Variants in GRM8 observed in about 807,000 individuals in gnomAD.
GRM8 encodes glutamate metabotropic receptor 8, also known as metabotropic glutamate receptor 8.
A neutral mutation model predicts 87.2 loss-of-function variants in GRM8; 47 were observed. The observed-to-expected ratio is 0.54, with a 90% CI of 0.43 to 0.69. The LOEUF (loss-of-function observed/expected upper bound fraction) is 0.69. Among genes scored for constraint, GRM8 ranks in the 30% least tolerant of loss-of-function variants. The probability of loss-of-function intolerance (pLI) is 0.00; values close to 1 mark genes in which losing one functional copy is unlikely to be tolerated. For synonymous variants in GRM8, 396 were observed against 404.5 expected (o/e 0.98, Z 0.25); for missense variants, 1,019 against 1,139.2 (o/e 0.89, Z 1.52).
At chr7:126,841,204 G>A (rs1432170998) in intron 6 of GRM8, among the ~76,000 whole-genome samples, 1 of 152,206 alleles carries the variant, frequency 6.6e-6, no homozygotes, top group Non-Finnish European at 1.5e-5. Flanking sequence ...ATAAATGTGT[G>A]GGTCAAGAAT....
chr7:127,170,882 G>A (rs1228965939), intron 2 of GRM8, among the ~76,000 whole-genome samples: 1 of 152,024 alleles, frequency 6.6e-6, no homozygotes, highest in Non-Finnish European at 1.5e-5. Context: ...CCACCCACTG[G>A]GTACAGTGTA....
chr7:127,155,489 C>A (rs1350708837), intron 2 of GRM8, among the ~76,000 whole-genome samples: 1 of 152,120 alleles, frequency 6.6e-6, no homozygotes, highest in East Asian at 1.9e-4. Flanking sequence ...AGATATATTG[C>A]ATACCCCACC....
intron 7 of GRM8, among the ~76,000 whole-genome samples, chr7:126,717,973 C>T (rs979200563): frequency 3.3e-5 from 5 of 152,106 alleles, no homozygotes; most frequent in African/African-American, 1.2e-4. Context: ...TGGCTCACAC[C>T]TGTAATCTCA....
At chr7:127,018,498 G>A (rs912447073) in intron 3 of GRM8, among the ~76,000 whole-genome samples, 2 of 151,384 alleles carry the variant, frequency 1.3e-5, no homozygotes, top group African/African-American at 4.9e-5. Flanking sequence ...TCAGGGCTAG[G>A]GTTTGGGTCA....
intron 3 of GRM8, among the ~76,000 whole-genome samples, chr7:127,061,037 C>T (rs1202654548): frequency 6.6e-6 from 1 of 152,200 alleles, no homozygotes; most frequent in African/African-American, 2.4e-5. Context: ...ATGTTGCACA[C>T]CTACCTTGTA....
At chr7:126,649,771 C>T (rs1329487702) in intron 7 of GRM8, among the ~76,000 whole-genome samples, 1 of 152,104 alleles carries the variant, frequency 6.6e-6, no homozygotes, top group Admixed American at 6.5e-5. Context: ...ATCGAGTGAC[C>T]CAAAAGGCTG....
intron 3 of GRM8, among the ~76,000 whole-genome samples, chr7:127,061,245 G>A (rs1470646123): frequency 6.6e-6 from 1 of 152,168 alleles, no homozygotes; most frequent in African/African-American, 2.4e-5. Context: ...AAGTACTCCT[G>A]CTTATTAAGG....
chr7:127,034,540 T>G (rs965895102), intron 3 of GRM8, among the ~76,000 whole-genome samples: 6 of 152,186 alleles, frequency 3.9e-5, no homozygotes, highest in Non-Finnish European at 7.4e-5. Flanking sequence ...TCCTTCCCTT[T>G]TCCCTCTTCA....
chr7:126,445,702 A>T (rs1487708239), intron 10 of GRM8, among the ~76,000 whole-genome samples: 1 of 152,056 alleles, frequency 6.6e-6, no homozygotes, highest in East Asian at 1.9e-4. Flanking sequence ...CACAAATAAC[A>T]TCATTTATAT....
At chr7:126,771,130 C>T (rs1818802188) in intron 6 of GRM8, among the ~76,000 whole-genome samples, 1 of 152,014 alleles carries the variant, frequency 6.6e-6, no homozygotes, top group Non-Finnish European at 1.5e-5. Flanking sequence ...TGTTACTAAC[C>T]TTGAATAAAT....
At chr7:126,489,993 C>A (rs1394668479) in intron 9 of GRM8, among the ~76,000 whole-genome samples, 2 of 152,132 alleles carry the variant, frequency 1.3e-5, no homozygotes, top group Non-Finnish European at 1.5e-5. Context: ...TTACTCCCAA[C>A]CCCCCTGTAG....
Position 126,921,215 on chromosome 7 carries a change from T to C in GRM8, c.728-16532A>G, listed in dbSNP as rs537672916. Reference sequence around the variant, plus strand: ...CAACAAGAATAGGAGGCTAAAAGAATAGAAACATTCAGAGGGCAAGAAGAA... The same window carrying C: ...CAACAAGAATAGGAGGCTAAAAGAACAGAAACATTCAGAGGGCAAGAAGAA... On this transcript the variant is annotated intron_variant, in intron 3 of 10. Transcript: ENST00000339582. 2.0e-5 allele frequency among the ~76,000 whole-genome samples: 3 copies of C among 152,116 alleles called. No individual in the cohort carries two copies. In the South Asian group the frequency reaches 6.2e-4, roughly 32 times the overall value.
intron 3 of GRM8, among the ~76,000 whole-genome samples, chr7:126,999,923 G>A (rs1211715411): frequency 1.3e-5 from 2 of 151,838 alleles, no homozygotes; most frequent in Admixed American, 6.6e-5. Flanking sequence ...ATATCAAAGG[G>A]ATAGCTTCAC....
chr7:127,247,188 C>T (rs1022426981), intron 1 of GRM8, among the ~76,000 whole-genome samples: 3 of 152,184 alleles, frequency 2.0e-5, no homozygotes, highest in East Asian at 1.9e-4. Context: ...AGATCCAATG[C>T]GGTTTGTCCA....
chr7:126,477,622 A>T (rs7781235), intron 9 of GRM8, among the ~76,000 whole-genome samples: 3 of 143,898 alleles, frequency 2.1e-5, no homozygotes, highest in African/African-American at 5.2e-5. Flanking sequence ...AAAGAAAGAA[A>T]GAAAGAAAGA....
chr7:127,082,279 GT>G (rs1723812027), intron 3 of GRM8: 3 of 152,150 alleles, frequency 2.0e-5, no homozygotes, highest in Admixed American at 2.0e-4. Flanking sequence ...ATAAAATGTA[GT>G]CCATTCTGCC....
intron 7 of GRM8, among the ~76,000 whole-genome samples, chr7:126,696,020 C>G (rs12706742): frequency 0.19 from 28,681 of 152,080 alleles, 2,980 homozygotes; most frequent in Middle Eastern, 0.23. Flanking sequence ...ACCCAGCTTT[C>G]TGGCTTTTAC....
At chr7:126,736,261 G>A (rs903256177) in intron 7 of GRM8, among the ~76,000 whole-genome samples, 6 of 152,044 alleles carry the variant, frequency 3.9e-5, no homozygotes, top group Non-Finnish European at 8.8e-5. Context: ...AATTGGAAAT[G>A]TGCAACACCT....
intron 3 of GRM8, among the ~76,000 whole-genome samples, chr7:127,072,317 A>G (rs1367016884): frequency 1.3e-5 from 2 of 152,122 alleles, no homozygotes; most frequent in East Asian, 3.8e-4. Context: ...GTTCTTTCAT[A>G]CCCACAAAGA....
Sources: gnomAD v4.1 joint callset for allele counts (sites outside exome capture counted in the v4.1 genomes callset) on GRCh38, gnomAD v4.1.1 for gene constraint, MANE v1.5 for transcripts, NCBI Gene and HGNC (gene_info 2026-07-23, HGNC 2026-07-21) for gene names.